The following SLC39A10 variants were observed in gnomAD, a reference collection of about 807,000 sequenced individuals.
SLC39A10 encodes the protein zinc transporter ZIP10.
Under a neutral mutation model 65.1 loss-of-function variants are expected in SLC39A10, and 13 were observed. That is an observed-to-expected ratio of 0.20 (90% CI 0.13 to 0.32). The LOEUF (loss-of-function observed/expected upper bound fraction) is 0.32, where lower values mean the gene tolerates loss of function less well. SLC39A10 is among the 10% of genes least tolerant of loss of function. The pLI, the probability that SLC39A10 is intolerant of heterozygous loss-of-function variation, is 1.00. For missense variants in SLC39A10, 831 were observed against 1,018.4 expected (o/e 0.82, Z 2.50); for synonymous variants, 321 against 342.2 (o/e 0.94, Z 0.68).
intron 3 of SLC39A10, among the ~76,000 whole-genome samples, chr2:195,692,132 T>C (rs1690768299): frequency 6.6e-6 from 1 of 152,196 alleles, no homozygotes; most frequent in South Asian, 2.1e-4. Context: ...TATGTTTTTG[T>C]TGGCTTTGTT....
Position 195,717,023 on chromosome 2 carries a change from C to G in SLC39A10, c.2065+18C>G, listed in dbSNP as rs780817892. 1 of 1,607,854 alleles carries G rather than the reference C, an allele frequency of 6.2e-7. No individual in the cohort carries two copies. Among genetic ancestry groups the G allele is most frequent in the Middle Eastern group, 1.7e-4 (1 of 6,016 alleles). On this transcript the variant is annotated intron_variant, in intron 7 of 9. Transcript: ENST00000359634. Reference sequence around the variant, plus strand: ...CGCAATTGGTAAGTGGACTGGAAACCACTGTCTATGCTAATCTTATGGACT... The same window carrying G: ...CGCAATTGGTAAGTGGACTGGAAACGACTGTCTATGCTAATCTTATGGACT...
chr2:195,630,966 A>T (rs1688572440), intron 2 of SLC39A10, among the ~76,000 whole-genome samples: 1 of 152,194 alleles, frequency 6.6e-6, no homozygotes, highest in Non-Finnish European at 1.5e-5. Context: ...AGGCAGGTGG[A>T]TCACTTGAGG....
upstream of SLC39A10, among the ~76,000 whole-genome samples, chr2:195,652,054 A>T (rs75567226): frequency 0.069 from 10,505 of 152,206 alleles, 571 homozygotes; most frequent in African/African-American, 0.15. Context: ...GACACAATAC[A>T]TGTACGATGT....
At position 195,734,863 on chromosome 2, in the gene SLC39A10, G is replaced by T. The variant is rs759022879; in HGVS notation, c.2338-20G>T. The T allele has an allele frequency of 1.3e-6, 2 of 1,585,694 alleles. No homozygotes were observed. The highest frequency in any genetic ancestry group is 4.5e-5 in the East Asian group (2 of 44,086). ...GCAGAAGTATTATACAAAGTTTAAT[G>T]TGAAGATTTATTTTTCTAGCTTCCA... is the stretch of plus-strand genomic sequence containing the variant. On this transcript the variant is annotated intron_variant, in intron 9 of 9. Transcript: ENST00000359634.
chr2:195,632,290 C>CTTTTTTTTTTTTTTTTTTT (rs202193660), intron 2 of SLC39A10, among the ~76,000 whole-genome samples: 1 of 69,224 alleles, frequency 1.4e-5, no homozygotes, highest in African/African-American at 6.3e-5. Flanking sequence ...ATTCTACTTC[C>CTTTTTTTTTTTTTTTTTTT]TTTTTTTTTT....
chr2:195,627,684 A>G (rs1025719815), intron 2 of SLC39A10, among the ~76,000 whole-genome samples: 1 of 152,218 alleles, frequency 6.6e-6, no homozygotes, highest in Non-Finnish European at 1.5e-5. Flanking sequence ...GTATAATACA[A>G]AGTGAGACTG....
intron 2 of SLC39A10, among the ~76,000 whole-genome samples, chr2:195,636,613 C>T (rs1427212897): frequency 6.6e-6 from 1 of 152,048 alleles, no homozygotes; most frequent in African/African-American, 2.4e-5. Flanking sequence ...ATTAGTTGGG[C>T]GTGGTGGCGG....
intron 1 of SLC39A10, chr2:195,674,621 C>G (rs760684640): frequency 6.1e-6 from 6 of 985,226 alleles, no homozygotes; most frequent in Non-Finnish European, 6.0e-6. Context: ...CCTCTTATTC[C>G]CCCATGTTCT....
chr2:195,657,336 C>A, intron 1 of SLC39A10, 55 bp downstream of exon 1: 1 of 963,698 alleles, frequency 1.0e-6, no homozygotes, highest in Non-Finnish European at 1.2e-6. Flanking sequence ...CGGCCCCGTG[C>A]GCGGCGGAGA....
At chr2:195,694,173 C>T (rs1690849799) in intron 3 of SLC39A10, among the ~76,000 whole-genome samples, 1 of 152,126 alleles carries the variant, frequency 6.6e-6, no homozygotes, top group African/African-American at 2.4e-5. Context: ...GTACTTGATA[C>T]AATTTTCATT....
intron 2 of SLC39A10, among the ~76,000 whole-genome samples, chr2:195,641,765 C>T (rs1285245413): frequency 6.7e-6 from 1 of 149,062 alleles, no homozygotes; most frequent in Non-Finnish European, 1.5e-5. Context: ...AATCTCTGCT[C>T]ACTGCAACCT....
intron 9 of SLC39A10, among the ~76,000 whole-genome samples, chr2:195,730,356 G>A (rs1692394956): frequency 6.6e-6 from 1 of 152,124 alleles, no homozygotes; most frequent in Non-Finnish European, 1.5e-5. Flanking sequence ...TTGTGAGACA[G>A]TCTTGCTCTG....
intron 1 of SLC39A10, among the ~76,000 whole-genome samples, chr2:195,679,189 T>G (rs189505382): frequency 6.6e-6 from 1 of 152,342 alleles, no homozygotes; most frequent in East Asian, 1.9e-4. Context: ...CTTTATCATT[T>G]TAGCATTTCT....
At chr2:195,626,218 T>C (rs905565953) in intron 2 of SLC39A10, among the ~76,000 whole-genome samples, 1 of 152,216 alleles carries the variant, frequency 6.6e-6, no homozygotes, top group East Asian at 1.9e-4. Flanking sequence ...AGGCCTCCTC[T>C]AAATGAGGCC....
intron 5 of SLC39A10, among the ~76,000 whole-genome samples, chr2:195,711,914 G>A (rs1041618597): frequency 1.7e-4 from 26 of 151,468 alleles, no homozygotes; most frequent in African/African-American, 5.3e-4. Context: ...CTTCTCTTTA[G>A]GACTTGTCCG....
At chr2:195,724,382 G>A (rs1400270089) in intron 8 of SLC39A10, among the ~76,000 whole-genome samples, 1 of 152,090 alleles carries the variant, frequency 6.6e-6, no homozygotes, top group Non-Finnish European at 1.5e-5. Flanking sequence ...GTTTATACAG[G>A]TTCTCACTGA....
intron 2 of SLC39A10, among the ~76,000 whole-genome samples, chr2:195,650,260 C>T (rs1252632052): frequency 2.9e-5 from 4 of 139,598 alleles, no homozygotes; most frequent in Non-Finnish European, 3.0e-5. Context: ...CCAGCCTGGG[C>T]GACAGAGATG....
At chr2:195,662,416 G>A (rs568924310) in intron 1 of SLC39A10, among the ~76,000 whole-genome samples, 20 of 151,856 alleles carry the variant, frequency 1.3e-4, no homozygotes, top group South Asian at 4.2e-4. Context: ...ATACGGGAGC[G>A]TGTGCCACCA....
chr2:195,632,503 T>C (rs1419893105), intron 2 of SLC39A10, among the ~76,000 whole-genome samples: 2 of 151,978 alleles, frequency 1.3e-5, no homozygotes, highest in African/African-American at 4.8e-5. Context: ...TTCACTATGT[T>C]GGCCAGGCTG....
Sources: allele counts gnomAD v4.1 joint callset (sites outside exome capture counted in the v4.1 genomes callset), GRCh38; gene constraint gnomAD v4.1.1; transcripts MANE v1.5; gene names NCBI Gene and HGNC (gene_info 2026-07-23, HGNC 2026-07-21).